The following TGIF1 variants were observed in gnomAD, a reference collection of about 807,000 sequenced individuals.
The protein encoded by TGIF1 is TGFB induced factor homeobox 1, also known as homeobox protein TGIF1.
In TGIF1, 4 loss-of-function variants were observed where a neutral mutation model predicts 19.3. The ratio of observed to expected loss-of-function variants is 0.21; its 90% CI spans 0.10 to 0.47. TGIF1 has a LOEUF of 0.47. Ranked by LOEUF, TGIF1 falls within the 20% of genes least tolerant of loss-of-function variation. The pLI is 0.98. For missense variants in TGIF1, 275 were observed against 341.4 expected, an observed-to-expected ratio of 0.81 and a Z score of 1.53; for synonymous variants, 122 against 129.3, an observed-to-expected ratio of 0.94 and a Z score of 0.38.
In TGIF1 at chr18:3,451,807, AC is replaced by A. The variant is rs2082947238; in HGVS notation, c.16+1303del. 1.5e-6 allele frequency: 2 copies of A among 1,296,634 alleles called. No individual in the cohort carries two copies. Among genetic ancestry groups the A allele is most frequent in the East Asian group, 3.0e-5 (1 of 33,856 alleles). 80.3% of individuals were successfully genotyped at this position (1,296,634 alleles called of 1,614,324 possible). A position where few individuals can be genotyped will look rare whatever the true frequency, so the allele number is the denominator to read the frequency against. On this transcript the variant is annotated intron_variant, in intron 1 of 2. Transcript: ENST00000343820. This position sits in a 1 kb window ranked among gnomAD's most constrained non-coding sequence, Gnocchi z 5.4. The stretch of plus-strand genomic sequence containing the variant: ...CGCCCTAAGGACCCCTCCCCGCGGG[AC>A]GGAGGGAGGACTCGGGACAGGGAAT...
chr18:3,447,625 G>GT, upstream of TGIF1: 1 of 1,152,682 alleles, frequency 8.7e-7, no homozygotes, highest in Non-Finnish European at 1.3e-6. Context: ...TGGCTGGGGG[G>GT]AGGCAGTGGG....
At chr18:3,421,866 A>T (rs1040230052) in intron 2 of TGIF1, among the ~76,000 whole-genome samples, 1 of 152,072 alleles carries the variant, frequency 6.6e-6, no homozygotes, top group African/African-American at 2.4e-5. Context: ...TATTGCCCCA[A>T]AGACCTCTCA....
At chr18:3,450,138 A>C, upstream of TGIF1, 1 of 1,118,322 alleles carries the variant, frequency 8.9e-7, no homozygotes, top group Non-Finnish European at 1.1e-6. Context: ...GGGCGGAGGC[A>C]GGACCTCCTG....
chr18:3,435,054 G>C (rs753147435), intron 2 of TGIF1, among the ~76,000 whole-genome samples: 1 of 152,100 alleles, frequency 6.6e-6, no homozygotes, highest in Non-Finnish European at 1.5e-5. Flanking sequence ...AGTGTCTGTA[G>C]TAATTTGTAT....
At chr18:3,447,896 T>C (rs1229818209), upstream of TGIF1, 1 of 1,538,286 alleles carries the variant, frequency 6.5e-7, no homozygotes, top group Non-Finnish European at 9.0e-7. Flanking sequence ...GTTTTCAAGC[T>C]ATAAACCCTT....
In TGIF1 at chr18:3,451,779, G is replaced by C; in HGVS notation, c.16+1274G>C. 1 of 1,261,426 alleles carries C rather than the reference G, an allele frequency of 7.9e-7. No individual in the cohort carries two copies. Among genetic ancestry groups the C allele is most frequent in the Non-Finnish European group, 1.0e-6 (1 of 1,004,026 alleles). The allele number at this position is 1,261,426 out of a possible 1,614,324, so 78.1% of individuals were successfully genotyped here. ...GATCAACTGGCAGTCGTTGTTGGTA[G>C]AACGCCCTAAGGACCCCTCCCCGCG... On this transcript the variant is annotated intron_variant, in intron 1 of 2. Coordinates refer to ENST00000343820, the MANE Select transcript of TGIF1 (RefSeq NM_003244.4). The surrounding 1 kb of genome is among the most constrained non-coding windows in gnomAD (Gnocchi z 5.4).
upstream of TGIF1, chr18:3,448,525 C>G (rs1325055206): frequency 2.0e-6 from 2 of 989,112 alleles, no homozygotes; most frequent in Non-Finnish European, 2.4e-6. Context: ...CCGCGCTCCC[C>G]CCGAGCCGTT....
chr18:3,431,183 G>A (rs547855106), intron 2 of TGIF1, among the ~76,000 whole-genome samples: 3 of 152,288 alleles, frequency 2.0e-5, no homozygotes, highest in Non-Finnish European at 2.9e-5. Context: ...GTGGTGGCTC[G>A]CACCTTTAAT....
At position 3,422,131 on chromosome 18, in the gene TGIF1, T is replaced by C. The variant is rs1399528787; in HGVS notation, c.-45+3916T>C. Among the ~76,000 whole-genome samples the C allele has an allele frequency of 6.0e-3, 905 of 150,436 alleles. 14 individuals carry two copies. The highest frequency in any genetic ancestry group is 0.021 in the African/African-American group (869 of 40,780). On this transcript the variant is annotated intron_variant, in intron 2 of 3. Coordinates refer to the TGIF1 transcript ENST00000401449. ...ATCGCTTGAACCTGGGAGGCGGAGA[T>C]TGCAGTGAGCAGAGATGGCGCCACT... is the stretch of plus-strand genomic sequence containing the variant.
chr18:3,450,416 G>A lies in TGIF1; in HGVS notation c.-74G>A. 6.4e-7 allele frequency: 1 copy of A among 1,550,430 alleles called. No homozygotes were observed. On this transcript the variant is annotated 5_prime_UTR_variant, in exon 1 of 3. Coordinates refer to ENST00000343820, the MANE Select transcript of TGIF1 (RefSeq NM_003244.4). ...AGAGTCGGCTGTGAAGGAGACGTTC[G>A]CTTATCCCCTGTGTCCCCGCTCCTG...
At chr18:3,455,100 T>G (rs970506599) in intron 1 of TGIF1, 1 of 152,200 alleles carries the variant, frequency 6.6e-6, no homozygotes, top group African/African-American at 2.4e-5. Flanking sequence ...CCTTTACATT[T>G]TTGTTATTTT....
intron 2 of TGIF1, among the ~76,000 whole-genome samples, chr18:3,424,308 G>C (rs1408663336): frequency 2.0e-5 from 3 of 152,050 alleles, no homozygotes; most frequent in African/African-American, 7.2e-5. Context: ...TCTCACACGA[G>C]AGTGTGAAAA....
chr18:3,426,887 C>T (rs952101454), intron 2 of TGIF1, among the ~76,000 whole-genome samples: 14 of 150,292 alleles, frequency 9.3e-5, no homozygotes, highest in Non-Finnish European at 1.9e-4. Flanking sequence ...GGGTACTATG[C>T]AGCGGTAAAA....
At chr18:3,443,832 C>A (rs1441015274) in intron 2 of TGIF1, among the ~76,000 whole-genome samples, 1 of 150,208 alleles carries the variant, frequency 6.7e-6, no homozygotes, top group Non-Finnish European at 1.5e-5. Context: ...TGTACCTGGC[C>A]ATGAGTACTT....
At chr18:3,452,362 G>T in intron 1 of TGIF1, 1 of 1,613,290 alleles carries the variant, frequency 6.2e-7, no homozygotes, top group African/African-American at 1.3e-5. Context: ...CCTCGGCGCC[G>T]ACTCCTGGAA....
intron 2 of TGIF1, among the ~76,000 whole-genome samples, chr18:3,422,314 AAAAAAAAT>A (rs2082410682): frequency 6.7e-6 from 1 of 148,354 alleles, no homozygotes; most frequent in African/African-American, 2.6e-5. Context: ...AAAAAAAAAA[AAAAAAAAT>A]TTGATAGAAA....
chr18:3,457,883 G>T lies in TGIF1; in HGVS notation c.762G>T (p.Val254=). 6.2e-7 allele frequency: 1 copy of T among 1,604,364 alleles called. No homozygotes were observed. ...NQDFSGFQLL[V]DVALKRAAEM... ...ACTTCAGTGGATTTCAGCTTCTAGT[G>T]GATGTTGCACTCAAACGGGCTGCAG... Residue 254 remains valine, a synonymous_variant, in exon 3 of 3, where the codon GTG becomes GTT. Transcript: ENST00000343820. The surrounding 1 kb of genome is among the most constrained non-coding windows in gnomAD (Gnocchi z 4.9).
upstream of TGIF1, chr18:3,449,879 A>G (rs238133): frequency 9.4e-4 from 931 of 985,530 alleles, 7 homozygotes; most frequent in African/African-American, 0.015. Context: ...CCCCGGGAAG[A>G]AAGGCCCAAG....
chr18:3,455,989 A>C (rs1255700582), intron 1 of TGIF1: 1 of 354,914 alleles, frequency 2.8e-6, no homozygotes, highest in African/African-American at 2.1e-5. Flanking sequence ...GGCATATTCC[A>C]ACTGCCACAG....
Sources: allele counts gnomAD v4.1 joint callset (sites outside exome capture counted in the v4.1 genomes callset), GRCh38; gene constraint gnomAD v4.1.1; non-coding constraint Gnocchi (gnomAD v3.1); transcripts MANE v1.5; gene names NCBI Gene and HGNC (gene_info 2026-07-23, HGNC 2026-07-21).